The following DMD variants were observed in gnomAD, a reference collection of about 807,000 sequenced individuals.
The protein encoded by DMD is mutant dystrophin.
DMD carries 63 observed loss-of-function variants against 330.1 expected under a neutral mutation model. The observed-to-expected ratio is 0.19, with a 90% CI of 0.16 to 0.24. The LOEUF is 0.24. DMD is among the 10% of genes least tolerant of loss of function. The pLI is 1.00. For synonymous variants in DMD, 1,223 were observed against 959.8 expected (o/e 1.27, Z -5.07); for missense variants, 3,344 against 2,684.1 (o/e 1.25, Z -5.43).
chrX:31,346,025 G>A (rs2058060576), intron 61 of DMD, among the ~76,000 whole-genome samples: 1 of 111,237 alleles, frequency 9.0e-6, no homozygotes, highest in Non-Finnish European at 1.9e-5. Flanking sequence ...GTATTTGTGA[G>A]CGTGGATCTT....
At chrX:32,402,291 T>C (rs1477885903) in intron 30 of DMD, among the ~76,000 whole-genome samples, 1 of 111,601 alleles carries the variant, frequency 9.0e-6, no homozygotes, top group Non-Finnish European at 1.9e-5. Flanking sequence ...AAATATATAA[T>C]AGTAATTGAT....
At chrX:31,686,302 A>G (rs2082685751) in intron 52 of DMD, among the ~76,000 whole-genome samples, 1 of 112,462 alleles carries the variant, frequency 8.9e-6, no homozygotes, top group Admixed American at 9.4e-5. Flanking sequence ...ATAATGATAT[A>G]AAAATGCCAT....
At chrX:32,470,660 G>A (rs1444797577) in intron 22 of DMD, among the ~76,000 whole-genome samples, 1 of 110,692 alleles carries the variant, frequency 9.0e-6, no homozygotes, top group Non-Finnish European at 1.9e-5. Context: ...GATAGACTTT[G>A]GAATCATTAT....
At chrX:32,225,667 G>T (rs1402397849) in intron 43 of DMD, among the ~76,000 whole-genome samples, 1 of 110,585 alleles carries the variant, frequency 9.0e-6, no homozygotes, top group Admixed American at 9.7e-5. Context: ...CTGTCCTCAT[G>T]AAAATGAGTG....
At position 31,138,678 on chromosome X, in the gene DMD, A is replaced by G. The variant is rs1456940255; in HGVS notation, c.10922-4484T>C. On this transcript the variant is annotated intron_variant, in intron 76 of 78. Transcript: ENST00000357033. ...GAGAGAGAGAGAGAGAGAGAGAGAGAGAGAGAGAGAAGGGGGAAGTGCCAC... is the reference window on the plus strand; with the variant it reads ...GAGAGAGAGAGAGAGAGAGAGAGAGGGAGAGAGAGAAGGGGGAAGTGCCAC... Among the ~76,000 whole-genome samples the G allele has an allele frequency of 5.9e-3, 245 of 41,526 alleles. 15 individuals carry two copies. Among genetic ancestry groups the G allele is most frequent in the Admixed American group, 0.036 (131 of 3,678 alleles). 36.1% of individuals were successfully genotyped at this position (41,526 alleles called of 115,157 possible).
chrX:32,902,158 A>AC (rs2086311170), intron 2 of DMD, among the ~76,000 whole-genome samples: 8 of 86,639 alleles, frequency 9.2e-5, no homozygotes, highest in South Asian at 1.3e-3. Context: ...CACACACACA[A>AC]ACACACACAC....
chrX:32,424,202 C>A (rs1372796074), intron 29 of DMD, among the ~76,000 whole-genome samples: 1 of 109,752 alleles, frequency 9.1e-6, no homozygotes, highest in Non-Finnish European at 1.9e-5. Flanking sequence ...GCTTGCAGTG[C>A]AATTTTTATA....
At chrX:33,027,220 G>T (rs890730832) in intron 1 of DMD, among the ~76,000 whole-genome samples, 1 of 112,097 alleles carries the variant, frequency 8.9e-6, no homozygotes, top group Non-Finnish European at 1.9e-5. Flanking sequence ...CCTTAAAAGG[G>T]GGGAAATGTT....
intron 52 of DMD, among the ~76,000 whole-genome samples, chrX:31,694,651 C>CATATAT (rs1347923232): frequency 6.5e-4 from 37 of 56,601 alleles, no homozygotes; most frequent in African/African-American, 2.7e-3. Context: ...TATATATATA[C>CATATAT]ACACACATAT....
intron 9 of DMD, among the ~76,000 whole-genome samples, chrX:32,667,126 G>A (rs1196893773): frequency 1.8e-5 from 2 of 111,274 alleles, no homozygotes; most frequent in African/African-American, 6.5e-5. Context: ...CTACAACATG[G>A]ATGAGCCTAG....
chrX:32,694,934 C>T (rs2063540297), intron 9 of DMD, among the ~76,000 whole-genome samples: 1 of 112,135 alleles, frequency 8.9e-6, no homozygotes, highest in Non-Finnish European at 1.9e-5. Flanking sequence ...GGAGTACAGG[C>T]ATGAGCCACC....
At chrX:31,820,182 A>G (rs2092721714) in intron 49 of DMD, 99 bp from the exon 50 acceptor site, 1 of 720,928 alleles carries the variant, frequency 1.4e-6, no homozygotes, top group African/African-American at 2.1e-5. Flanking sequence ...TTGGATTTCT[A>G]TTATATTTTA....
intron 1 of DMD, among the ~76,000 whole-genome samples, chrX:33,282,155 T>A (rs760545428): frequency 5.4e-5 from 6 of 110,783 alleles, no homozygotes; most frequent in Admixed American, 9.6e-5. Flanking sequence ...AAGTCCTAGG[T>A]CCATATGACC....
chrX:31,447,260 A>ATTTTTTTTTTT (rs72227601), intron 59 of DMD, among the ~76,000 whole-genome samples: 4 of 52,472 alleles, frequency 7.6e-5, no homozygotes, highest in Non-Finnish European at 1.3e-4. Context: ...AGATCTTGGG[A>ATTTTTTTTTTT]TTTTTTTTTT....
At chrX:32,252,772 AAAT>A (rs1569553675) in intron 43 of DMD, among the ~76,000 whole-genome samples, 2 of 57,273 alleles carry the variant, frequency 3.5e-5, no homozygotes, top group African/African-American at 1.9e-4. Flanking sequence ...AAATATATAT[AAAT>A]ATATATAAAT....
At chrX:32,556,096 G>A (rs1354464065) in intron 16 of DMD, among the ~76,000 whole-genome samples, 3 of 111,312 alleles carry the variant, frequency 2.7e-5, no homozygotes, top group African/African-American at 6.5e-5. Flanking sequence ...GAGTCTACAA[G>A]GAACTTAAAC....
At chrX:31,126,802 G>GAAA in intron 77 of DMD, 129 bp from the exon 78 acceptor site, 19 of 152,882 alleles carry the variant, frequency 1.2e-4, no homozygotes, top group East Asian at 1.1e-3. Context: ...ATTCTCTGCT[G>GAAA]GAAAAAAAAA....
chrX:31,229,728 T>A (rs1363023609), intron 63 of DMD, among the ~76,000 whole-genome samples: 1 of 111,835 alleles, frequency 8.9e-6, no homozygotes, highest in African/African-American at 3.3e-5. Flanking sequence ...ATTTTCCAAA[T>A]TTTCCCAAGA....
At chrX:32,092,724 CTTTTTTTTTT>C (rs11315047) in intron 44 of DMD, among the ~76,000 whole-genome samples, 2 of 39,794 alleles carry the variant, frequency 5.0e-5, no homozygotes, top group East Asian at 7.5e-4. Flanking sequence ...GTTATTTTCA[CTTTTTTTTTT>C]TTTTTTTTTT....
Sources: gnomAD v4.1 joint callset for allele counts (sites outside exome capture counted in the v4.1 genomes callset) on GRCh38, gnomAD v4.1.1 for gene constraint, MANE v1.5 for transcripts, NCBI Gene and HGNC (gene_info 2026-07-23, HGNC 2026-07-21) for gene names.